Variants in LRRN2 observed in about 807,000 individuals in gnomAD.
The protein encoded by LRRN2 is leucine-rich repeat neuronal protein 2.
LRRN2 carries 10 observed loss-of-function variants against 35.7 expected under a neutral mutation model. That is an observed-to-expected ratio of 0.28 (90% CI 0.17 to 0.47). The LOEUF is 0.47. Among genes scored for constraint, LRRN2 ranks in the 20% least tolerant of loss-of-function variants. The pLI is 0.99. For synonymous variants in LRRN2, 391 were observed against 409.6 expected, an observed-to-expected ratio of 0.95 and a Z score of 0.55; for missense variants, 731 against 940.3, an observed-to-expected ratio of 0.78 and a Z score of 2.91.
chr1:204,683,449 G>GGAAGGAGA lies in LRRN2; in HGVS notation c.-227+1863_-227+1870dup, dbSNP rs1317534883. ...TTAGAGGAGGAAAGTGAAGAGTGAA[G>GGAAGGAGA]GAAGGAGAGGAGGATGAGGGGGAGG... On this transcript the variant is annotated intron_variant, in intron 1 of 1. Transcript: ENST00000367177. Among the ~76,000 whole-genome samples, 18 of 151,918 alleles carry GGAAGGAGA rather than the reference G, an allele frequency of 1.2e-4. No individual in the cohort carries two copies. The East Asian group carries it at 3.5e-3, about 29-fold the overall frequency.
chr1:204,670,407 T>C (rs1466763492), intron 1 of LRRN2, among the ~76,000 whole-genome samples: 1 of 152,146 alleles, frequency 6.6e-6, no homozygotes, highest in Admixed American at 6.5e-5. Flanking sequence ...ACTCTGGCTT[T>C]CAGTATGTCA....
chr1:204,641,789 GTGTT>G (rs1318108743), intron 1 of LRRN2, among the ~76,000 whole-genome samples: 1 of 152,244 alleles, frequency 6.6e-6, no homozygotes. Context: ...GCATTTGAAA[GTGTT>G]TGTAAGTGCA....
At chr1:204,633,642 G>A (rs1311353514) in intron 1 of LRRN2, among the ~76,000 whole-genome samples, 1 of 152,160 alleles carries the variant, frequency 6.6e-6, no homozygotes, top group African/African-American at 2.4e-5. Flanking sequence ...GAGAAGTAAG[G>A]TACCAAGCCC....
rs573590403 is a variant in LRRN2 at position 204,661,716 on chromosome 1, C to T, written c.-227+23604G>A. 2.0e-4 allele frequency among the ~76,000 whole-genome samples: 31 copies of T among 152,272 alleles called. 1 individual carries two copies. In the Middle Eastern group the frequency reaches 0.02, roughly 100 times the overall value. On this transcript the variant is annotated intron_variant, in intron 1 of 1. Transcript: ENST00000367177. ...AGGGGCAGCTGGGTGGCTGAGGGCT[C>T]CCGGATGCCCTTGGCAGGGAGGGTT...
chr1:204,621,125 T>A (rs1571607342), intron 1 of LRRN2: 2 of 166,772 alleles, frequency 1.2e-5, no homozygotes, highest in Non-Finnish European at 2.9e-5. Flanking sequence ...GAGGCAGGAG[T>A]GTTTCTCCTT....
In LRRN2 at chr1:204,619,997, G is replaced by C; in HGVS notation, c.-5C>G. 6.2e-7 allele frequency: 1 copy of C among 1,603,998 alleles called. No individual in the cohort carries two copies. The highest frequency in any genetic ancestry group is 8.5e-7 in the Non-Finnish European group (1 of 1,176,058). ...TGGGGCCACGAGAAGCCTCATGGTG[G>C]AGCTGCAGGGCAGGGGACCATTCAC... On this transcript the variant is annotated 5_prime_UTR_variant, in exon 2 of 2. Transcript: ENST00000367177.
At chr1:204,632,644 A>C (rs1667735048) in intron 1 of LRRN2, among the ~76,000 whole-genome samples, 1 of 141,264 alleles carries the variant, frequency 7.1e-6, no homozygotes, top group Non-Finnish European at 1.5e-5. Flanking sequence ...AAAAAAAAAA[A>C]AAATTCGCCA....
Position 204,620,204 on chromosome 1 carries a change from C to T in LRRN2, c.-212G>A, listed in dbSNP as rs767909249. 85 of 1,439,672 alleles carry T rather than the reference C, an allele frequency of 5.9e-5. No individual in the cohort carries two copies. Among genetic ancestry groups the T allele is most frequent in the Non-Finnish European group, 7.3e-5 (80 of 1,095,228 alleles). 89.2% of individuals were successfully genotyped at this position (1,439,672 alleles called of 1,614,324 possible). ...GGGCCTGCTCAGTCATTGCCAGGCCCCATCAGGGGCAGCCCTGGAAGAAGA... is the reference window on the plus strand; with the variant it reads ...GGGCCTGCTCAGTCATTGCCAGGCCTCATCAGGGGCAGCCCTGGAAGAAGA... On this transcript the variant is annotated 5_prime_UTR_variant, in exon 2 of 2. Coordinates refer to ENST00000367177, the MANE Select transcript of LRRN2 (RefSeq NM_201630.2).
chr1:204,649,054 G>A (rs1325597285), intron 1 of LRRN2, among the ~76,000 whole-genome samples: 2 of 152,234 alleles, frequency 1.3e-5, no homozygotes, highest in African/African-American at 4.8e-5. Flanking sequence ...CCAGGTGAAG[G>A]GATTTGTGGA....
At chr1:204,676,047 G>A (rs2102243175) in intron 1 of LRRN2, among the ~76,000 whole-genome samples, 1 of 152,296 alleles carries the variant, frequency 6.6e-6, no homozygotes, top group Admixed American at 6.5e-5. Flanking sequence ...CCCTGTCTCA[G>A]CTCCTTCACC....
chr1:204,651,928 T>A (rs61170670), intron 1 of LRRN2, among the ~76,000 whole-genome samples: 1 of 152,154 alleles, frequency 6.6e-6, no homozygotes, highest in South Asian at 2.1e-4. Context: ...CTTTCTCCCC[T>A]GGCCCAACTC....
rs373742011 is a variant in LRRN2 at position 204,623,227 on chromosome 1, G to A, written c.-226-3009C>T. On this transcript the variant is annotated intron_variant, in intron 1 of 1. Coordinates refer to ENST00000367177, the MANE Select transcript of LRRN2 (RefSeq NM_201630.2). ...TCCCTGACCTTTAGACCCTACCCGAGTCCAGTTTCCCTTCTTCATCAACAC... is the reference window on the plus strand; with the variant it reads ...TCCCTGACCTTTAGACCCTACCCGAATCCAGTTTCCCTTCTTCATCAACAC... 1.3e-4 allele frequency among the ~76,000 whole-genome samples: 20 copies of A among 152,308 alleles called. No individual in the cohort carries two copies. In the East Asian group the frequency reaches 3.7e-3, roughly 28 times the overall value.
intron 1 of LRRN2, among the ~76,000 whole-genome samples, chr1:204,655,887 C>A (rs548770654): frequency 6.6e-6 from 1 of 152,152 alleles, no homozygotes; most frequent in African/African-American, 2.4e-5. Flanking sequence ...CATATCTTTC[C>A]TTCCCTCCCT....
intron 1 of LRRN2, among the ~76,000 whole-genome samples, chr1:204,672,271 G>A (rs1668730694): frequency 6.6e-6 from 1 of 152,116 alleles, no homozygotes; most frequent in Non-Finnish European, 1.5e-5. Context: ...TAGTCCCAAG[G>A]GCACTAATAC....
chr1:204,639,125 G>C (rs540629090), intron 1 of LRRN2, among the ~76,000 whole-genome samples: 1 of 152,362 alleles, frequency 6.6e-6, no homozygotes, highest in East Asian at 1.9e-4. Context: ...TAGCTGGTCA[G>C]CCTGGCTTGA....
chr1:204,671,642 TAAAAAAAAA>T (rs35192809), intron 1 of LRRN2, among the ~76,000 whole-genome samples: 5 of 30,252 alleles, frequency 1.7e-4, no homozygotes, highest in Non-Finnish European at 2.7e-4. Flanking sequence ...TAATTGATGG[TAAAAAAAAA>T]AAAAAAAAAA....
intron 1 of LRRN2, among the ~76,000 whole-genome samples, chr1:204,672,729 T>G (rs1308394983): frequency 6.6e-6 from 1 of 152,100 alleles, no homozygotes; most frequent in Non-Finnish European, 1.5e-5. Context: ...GGAGCTGTGA[T>G]CTGCTCAGAT....
intron 1 of LRRN2, among the ~76,000 whole-genome samples, chr1:204,632,803 G>A (rs980064546): frequency 1.3e-5 from 2 of 151,480 alleles, no homozygotes; most frequent in Admixed American, 6.6e-5. Flanking sequence ...GCGTGGTGGC[G>A]GGCGCCTGAA....
chr1:204,647,392 A>T (rs1358218599), intron 1 of LRRN2, among the ~76,000 whole-genome samples: 1 of 152,242 alleles, frequency 6.6e-6, no homozygotes, highest in Middle Eastern at 3.2e-3. Context: ...AGCCACTCTG[A>T]CATTTCCAAA....
Sources: gnomAD v4.1 joint callset for allele counts (sites outside exome capture counted in the v4.1 genomes callset) on GRCh38, gnomAD v4.1.1 for gene constraint, MANE v1.5 for transcripts, NCBI Gene and HGNC (gene_info 2026-07-23, HGNC 2026-07-21) for gene names.